The following CCNY variants were observed in gnomAD, a reference collection of about 807,000 sequenced individuals.
The protein encoded by CCNY is cyclin Y.
A neutral mutation model predicts 42.8 loss-of-function variants in CCNY; 19 were observed. The observed-to-expected ratio is 0.44, with a 90% CI of 0.31 to 0.65. CCNY has a LOEUF of 0.65. CCNY is among the 30% of genes least tolerant of loss of function. The probability of loss-of-function intolerance (pLI) is 0.07; values close to 1 mark genes in which losing one functional copy is unlikely to be tolerated. For missense variants in CCNY, 370 were observed against 437.3 expected (o/e 0.85, Z 1.37); for synonymous variants, 165 against 162.7 (o/e 1.01, Z -0.11).
At chr10:35,496,234 C>G (rs1564434588) in intron 2 of CCNY, among the ~76,000 whole-genome samples, 2 of 152,226 alleles carry the variant, frequency 1.3e-5, no homozygotes, top group Non-Finnish European at 1.5e-5. Context: ...AATAGCACAG[C>G]TCTATTCATA....
chr10:35,517,224 T>G (rs141711947), intron 4 of CCNY, among the ~76,000 whole-genome samples: 19 of 151,664 alleles, frequency 1.3e-4, no homozygotes, highest in Admixed American at 8.5e-4. Flanking sequence ...GAAGGGGGAG[T>G]CTTGGGATAA....
Position 35,272,066 on chromosome 10 carries a change from A to T in CCNY, c.-9+21440A>T, listed in dbSNP as rs191928707. On this transcript the variant is annotated intron_variant, in intron 3 of 11. Coordinates refer to the CCNY transcript ENST00000374706. ...CAGTGGAGCGATCTCGGCTTACTGC[A>T]ACCTCCGCCTGCCAGGTTCAAGTGA... is the stretch of plus-strand genomic sequence containing the variant. 3.0e-3 allele frequency among the ~76,000 whole-genome samples: 462 copies of T among 152,272 alleles called. 4 individuals are homozygous for T. Among genetic ancestry groups the T allele is most frequent in the Non-Finnish European group, 3.7e-3 (253 of 68,022 alleles).
chr10:35,534,090 C>T (rs970253956), intron 7 of CCNY, among the ~76,000 whole-genome samples: 23 of 151,396 alleles, frequency 1.5e-4, no homozygotes, highest in Admixed American at 1.5e-3. Context: ...GGCACAATCT[C>T]AGCTCACTGC....
At chr10:35,456,943 A>C (rs1839049076) in intron 1 of CCNY, among the ~76,000 whole-genome samples, 1 of 152,186 alleles carries the variant, frequency 6.6e-6, no homozygotes, top group Non-Finnish European at 1.5e-5. Flanking sequence ...AAGAGGTTGA[A>C]TTGTTCTGCT....
intron 5 of CCNY, among the ~76,000 whole-genome samples, chr10:35,529,317 C>T (rs1840716161): frequency 6.6e-6 from 1 of 152,184 alleles, no homozygotes. Flanking sequence ...TCCTATCACC[C>T]ACAGTATGTT....
intron 3 of CCNY, among the ~76,000 whole-genome samples, chr10:35,251,245 A>T (rs1336593285): frequency 6.6e-6 from 1 of 152,198 alleles, no homozygotes; most frequent in Non-Finnish European, 1.5e-5. Context: ...AAAATAAATA[A>T]AGGCTATTTT....
intron 1 of CCNY, among the ~76,000 whole-genome samples, chr10:35,407,194 C>T (rs1260679942): frequency 2.0e-5 from 3 of 152,044 alleles, no homozygotes; most frequent in Admixed American, 2.0e-4. Flanking sequence ...TCGGGGAGGG[C>T]TAGTCATGGA....
At chr10:35,394,865 T>A in intron 1 of CCNY, 2 of 984,712 alleles carry the variant, frequency 2.0e-6, no homozygotes, top group Non-Finnish European at 2.4e-6. Context: ...ACGGGCCCTC[T>A]CCTTCTGAAT....
intron 7 of CCNY, among the ~76,000 whole-genome samples, chr10:35,549,573 ACACATGACCCTACAGTG>A (rs1564454885): frequency 1.7e-4 from 17 of 99,344 alleles, no homozygotes; most frequent in Non-Finnish European, 6.0e-5. Flanking sequence ...GCTGCTCATG[ACACATGACCCTACAGTG>A]CTCATGACCC....
At chr10:35,263,105 C>G (rs1045802824) in intron 3 of CCNY, among the ~76,000 whole-genome samples, 4 of 151,758 alleles carry the variant, frequency 2.6e-5, no homozygotes, top group African/African-American at 9.7e-5. Context: ...GCCTGTAATA[C>G]CAGCACTTTG....
rs758668003 is a variant in CCNY at position 35,491,342 on chromosome 10, A to G, written c.229+7864A>G. On this transcript the variant is annotated intron_variant, in intron 2 of 9. Coordinates refer to ENST00000374704, the MANE Select transcript of CCNY (RefSeq NM_145012.6). ...AAGCAGTAGGGTGAGTCCCAGGCAC[A>G]CAGCGAGCCCTCAGCAATGTCTGCT... is the stretch of plus-strand genomic sequence containing the variant. 3.9e-4 allele frequency among the ~76,000 whole-genome samples: 60 copies of G among 152,242 alleles called. 1 individual carries two copies. The highest frequency in any genetic ancestry group is 8.8e-5 in the Non-Finnish European group (6 of 68,044).
chr10:35,457,268 T>C (rs561312374), intron 1 of CCNY, among the ~76,000 whole-genome samples: 1 of 152,236 alleles, frequency 6.6e-6, no homozygotes, highest in Non-Finnish European at 1.5e-5. Flanking sequence ...TCTCCCTCTT[T>C]AGTGAGGATG....
At chr10:35,325,021 A>G (rs947312359) in intron 3 of CCNY, among the ~76,000 whole-genome samples, 3 of 152,264 alleles carry the variant, frequency 2.0e-5, no homozygotes, top group Non-Finnish European at 2.9e-5. Context: ...TACTATAAAA[A>G]TATAGAGAAT....
chr10:35,431,281 C>G (rs1589116750), intron 1 of CCNY, among the ~76,000 whole-genome samples: 2 of 149,918 alleles, frequency 1.3e-5, no homozygotes, highest in South Asian at 4.3e-4. Context: ...AGTGAAATTG[C>G]TCACACTTGG....
Position 35,530,133 on chromosome 10 carries a change from G to A in CCNY, c.469G>A (p.Val157Met), listed in dbSNP as rs1564447603. 4 of 1,614,164 alleles carry A rather than the reference G, an allele frequency of 2.5e-6. No individual in the cohort carries two copies. The highest frequency in any genetic ancestry group is 3.4e-6 in the Non-Finnish European group (4 of 1,180,014). ...ENLHPLSKSE[V>M]PPDYDKHNPE... is the part of the protein sequence containing the mutation. ...ATATTTTCTTCCCCAGAAATCCGAA[G>A]TGCCACCAGATTATGACAAACACAA... Residue 157 changes from valine (V) to methionine (M), a missense_variant, in exon 7 of 10, where the codon GTG becomes ATG. Around this residue, in one of 2 missense-constraint regions of CCNY, gnomAD observed 234 missense variants for 313.1 expected, o/e 0.75. Transcript: ENST00000374704. The surrounding 1 kb of genome is among the most constrained non-coding windows in gnomAD (Gnocchi z 4.3).
At chr10:35,544,564 C>A (rs1055181689) in intron 7 of CCNY, among the ~76,000 whole-genome samples, 2 of 152,202 alleles carry the variant, frequency 1.3e-5, no homozygotes, top group African/African-American at 4.8e-5. Flanking sequence ...TATGACTATA[C>A]TTCCAAGATG....
Position 35,566,202 on chromosome 10 carries a change from C to A in CCNY, c.909+17C>A. On this transcript the variant is annotated intron_variant, in intron 9 of 9. Transcript: ENST00000374704. ...AAGCTTGAGGTAAGATGGTTTAAAA[C>A]AGCGTTTTGTGGTGCAGTGTTGCCA... 2 of 1,609,242 alleles carry A rather than the reference C, an allele frequency of 1.2e-6. No individual in the cohort carries two copies. The highest frequency in any genetic ancestry group is 3.4e-5 in the Admixed American group (2 of 58,980).
intron 3 of CCNY, among the ~76,000 whole-genome samples, chr10:35,504,846 A>T (rs1314444718): frequency 6.6e-6 from 1 of 152,152 alleles, no homozygotes; most frequent in East Asian, 1.9e-4. Flanking sequence ...TATGTTGGCC[A>T]GGCTGGTCTT....
intron 7 of CCNY, among the ~76,000 whole-genome samples, chr10:35,538,517 G>T (rs1330722060): frequency 6.6e-6 from 1 of 152,178 alleles, no homozygotes; most frequent in African/African-American, 2.4e-5. Flanking sequence ...ATTCTAGTGG[G>T]TTTGAAGGGT....
Sources: gnomAD v4.1 joint callset for allele counts (sites outside exome capture counted in the v4.1 genomes callset) on GRCh38, gnomAD v4.1.1 for gene constraint, gnomAD v4.1.1 regional missense constraint, Gnocchi (gnomAD v3.1) non-coding constraint, MANE v1.5 for transcripts, NCBI Gene and HGNC (gene_info 2026-07-23, HGNC 2026-07-21) for gene names.